AMOTL1: variants seen among roughly 807,000 people sequenced by gnomAD.
The protein encoded by AMOTL1 is angiomotin like 1.
In AMOTL1, 45 loss-of-function variants were observed where a neutral mutation model predicts 102.9. The observed-to-expected ratio is 0.44, with a 90% CI of 0.34 to 0.56. The LOEUF (loss-of-function observed/expected upper bound fraction) is 0.56, where lower values mean the gene tolerates loss of function less well. AMOTL1 is among the 20% of genes least tolerant of loss of function. AMOTL1 has a pLI of 0.01. For synonymous variants in AMOTL1, 481 were observed against 484.7 expected, an observed-to-expected ratio of 0.99 and a Z score of 0.10; for missense variants, 1,114 against 1,225.6, an observed-to-expected ratio of 0.91 and a Z score of 1.36.
intron 3 of AMOTL1, among the ~76,000 whole-genome samples, chr11:94,821,180 T>G (rs556805793): frequency 1.3e-5 from 2 of 152,334 alleles, no homozygotes; most frequent in Admixed American, 6.5e-5. Flanking sequence ...GAAGTAGCCA[T>G]GGGGTCATTC....
upstream of AMOTL1, chr11:94,768,312 C>A (rs1732086217): frequency 5.8e-6 from 8 of 1,370,948 alleles, no homozygotes; most frequent in African/African-American, 3.0e-5. Context: ...GGGCGACCCT[C>A]CCCGGCCCGC....
intron 9 of AMOTL1, among the ~76,000 whole-genome samples, chr11:94,860,153 C>T (rs923309991): frequency 9.9e-5 from 15 of 152,098 alleles, no homozygotes; most frequent in African/African-American, 2.2e-4. Context: ...TTTAATGCTG[C>T]GTTTATATCA....
In AMOTL1 at chr11:94,871,999, C is replaced by G. The variant is rs1278084217; in HGVS notation, c.*1204C>G. 1 of 152,150 alleles carries G rather than the reference C, an allele frequency of 6.6e-6. No homozygotes were observed. Among genetic ancestry groups the G allele is most frequent in the Admixed American group, 6.5e-5 (1 of 15,282 alleles). 9.4% of individuals were successfully genotyped at this position (152,150 alleles called of 1,614,324 possible). A position where few individuals can be genotyped will look rare whatever the true frequency, so the allele number is the denominator to read the frequency against. On this transcript the variant is annotated 3_prime_UTR_variant, in exon 13 of 13. Transcript: ENST00000433060. ...TCCCCCGCGCACGCCTCTGCTTGCT[C>G]TCGATCAGCATCCAGACCTCCGTGG...
chr11:94,712,103 T>G (rs1211334431), intron 1 of AMOTL1, among the ~76,000 whole-genome samples: 1 of 152,070 alleles, frequency 6.6e-6, no homozygotes, highest in Non-Finnish European at 1.5e-5. Context: ...CTTACCAGAA[T>G]TTGGTGTTAT....
At chr11:94,804,848 T>C (rs1229131951) in intron 3 of AMOTL1, among the ~76,000 whole-genome samples, 2 of 152,234 alleles carry the variant, frequency 1.3e-5, no homozygotes, top group African/African-American at 4.8e-5. Context: ...GTGGTGGTGG[T>C]AGTCATAGCA....
chr11:94,722,000 T>C lies in AMOTL1; in HGVS notation c.-50-6921T>C, dbSNP rs546804310. Among the ~76,000 whole-genome samples, 6 of 152,268 alleles carry C rather than the reference T, an allele frequency of 3.9e-5. No homozygotes were observed. In the South Asian group the frequency reaches 1.2e-3, roughly 32 times the overall value. On this transcript the variant is annotated intron_variant, in intron 1 of 4. Transcript: ENST00000299004. The stretch of plus-strand genomic sequence containing the variant: ...TATCTTATTCGGGCTCTTTGTCTCT[T>C]TGCCTCATAGACTTCAGCCTAGCTC...
chr11:94,721,019 G>A (rs1331576767), intron 1 of AMOTL1, among the ~76,000 whole-genome samples: 1 of 152,112 alleles, frequency 6.6e-6, no homozygotes, highest in Non-Finnish European at 1.5e-5. Flanking sequence ...ATGCTAAGGG[G>A]AAACCTGTTG....
At chr11:94,808,477 G>C (rs1449777579) in intron 3 of AMOTL1, among the ~76,000 whole-genome samples, 1 of 151,716 alleles carries the variant, frequency 6.6e-6, no homozygotes, top group South Asian at 2.1e-4. Context: ...CAAAGTTTTT[G>C]TCAAACAAGC....
Position 94,733,574 on chromosome 11 carries a change from G to T in AMOTL1, c.85+4519G>T, listed in dbSNP as rs115887973. 2.1e-3 allele frequency among the ~76,000 whole-genome samples: 326 copies of T among 152,328 alleles called. 1 individual carries two copies. Among genetic ancestry groups the T allele is most frequent in the African/African-American group, 7.4e-3 (309 of 41,574 alleles). ...GCCTCTGTGTGGTCCAAGAAGACTC[G>T]ATTTGCAGCTCTGAAAGAAGCAATT... On this transcript the variant is annotated intron_variant, in intron 2 of 4. Coordinates refer to the AMOTL1 transcript ENST00000299004.
At chr11:94,849,700 TTTC>T (rs952520984) in intron 6 of AMOTL1, among the ~76,000 whole-genome samples, 3 of 152,150 alleles carry the variant, frequency 2.0e-5, no homozygotes, top group African/African-American at 7.2e-5. Flanking sequence ...TTGGTTTATT[TTTC>T]TATGAATGAG....
Position 94,731,166 on chromosome 11 carries a change from G to A in AMOTL1, c.85+2111G>A, listed in dbSNP as rs558266885. 8.5e-5 allele frequency among the ~76,000 whole-genome samples: 13 copies of A among 152,312 alleles called. No individual in the cohort carries two copies. The South Asian group carries it at 2.1e-3, about 24-fold the overall frequency. ...AAGGTACTGCTTTTGGGTAAGTGAC[G>A]AGCTTCTGGGGCTGAGGGAAAAGCT... On this transcript the variant is annotated intron_variant, in intron 2 of 4. Coordinates refer to the AMOTL1 transcript ENST00000299004.
chr11:94,729,822 A>G (rs1040133683), intron 2 of AMOTL1, among the ~76,000 whole-genome samples: 2 of 152,178 alleles, frequency 1.3e-5, no homozygotes, highest in Non-Finnish European at 2.9e-5. Context: ...TTGAGTATCT[A>G]TTTTATGCCA....
chr11:94,813,606 TTA>T (rs1305711538), intron 3 of AMOTL1, among the ~76,000 whole-genome samples: 1 of 152,150 alleles, frequency 6.6e-6, no homozygotes, highest in Non-Finnish European at 1.5e-5. Flanking sequence ...TGCCATCTCT[TTA>T]GACACAAAGC....
At chr11:94,769,192 G>A (rs2135512507) in intron 1 of AMOTL1, among the ~76,000 whole-genome samples, 1 of 152,376 alleles carries the variant, frequency 6.6e-6, no homozygotes. Context: ...CCGCTTGCCT[G>A]TTAGGGCTGC....
At position 94,831,979 on chromosome 11, in the gene AMOTL1, A is replaced by G. The variant is rs552505494; in HGVS notation, c.1648+438A>G. Among the ~76,000 whole-genome samples, 331 of 152,332 alleles carry G rather than the reference A, an allele frequency of 2.2e-3. 2 individuals carry two copies. The highest frequency in any genetic ancestry group is 7.8e-3 in the African/African-American group (323 of 41,584). ...CCCCTTGCCAGTGTGCAAGCCATCT[A>G]AGTGATCGCATTATATATCTCCATG... On this transcript the variant is annotated intron_variant, in intron 6 of 12. Transcript: ENST00000433060.
At chr11:94,714,824 T>A (rs1049278328) in intron 1 of AMOTL1, among the ~76,000 whole-genome samples, 2 of 152,144 alleles carry the variant, frequency 1.3e-5, no homozygotes, top group African/African-American at 4.8e-5. Context: ...ACCAGCTTTT[T>A]ATTTCATGAA....
chr11:94,768,772 C>T (rs538839970), intron 1 of AMOTL1, among the ~76,000 whole-genome samples: 2 of 152,084 alleles, frequency 1.3e-5, no homozygotes, highest in Admixed American at 6.5e-5. Context: ...AGCGTCTTGC[C>T]GCCCCGCGAC....
chr11:94,854,671 C>T (rs1246148086), intron 8 of AMOTL1, among the ~76,000 whole-genome samples: 1 of 151,978 alleles, frequency 6.6e-6, no homozygotes, highest in African/African-American at 2.4e-5. Context: ...TGTCAGAGGA[C>T]CATCCAGAGG....
chr11:94,854,020 C>A lies in AMOTL1; in HGVS notation c.1882C>A (p.Gln628Lys). 1 of 1,576,156 alleles carries A rather than the reference C, an allele frequency of 6.3e-7. No individual in the cohort carries two copies. Among genetic ancestry groups the A allele is most frequent in the Non-Finnish European group, 8.6e-7 (1 of 1,159,878 alleles). The change falls in exon 8 of 13, where the codon CAG (glutamine) becomes AAG (lysine). Residue 628 changes from glutamine (Q) to lysine (K), a missense_variant. Physicochemically the swap from Gln to Lys is moderately conservative, Grantham distance 53. Transcript: ENST00000433060. ...QLQSACEKRE[Q>K]MERRLRTWLE... ...GCAGTCTGCATGTGAGAAGCGAGAA[C>A]AGATGGAGCGGAGACTGCGGACTTG...
Sources: allele counts gnomAD v4.1 joint callset (sites outside exome capture counted in the v4.1 genomes callset), GRCh38; gene constraint gnomAD v4.1.1; transcripts MANE v1.5; gene names NCBI Gene and HGNC (gene_info 2026-07-23, HGNC 2026-07-21).